ASXL3: variants seen among roughly 807,000 people sequenced by gnomAD.
The protein encoded by ASXL3 is putative Polycomb group protein ASXL3.
ASXL3 carries 34 observed loss-of-function variants against 170.6 expected under a neutral mutation model. The observed-to-expected ratio is 0.20, with a 90% CI of 0.15 to 0.27. The LOEUF is 0.27. Among genes scored for constraint, ASXL3 ranks in the 10% least tolerant of loss-of-function variants. ASXL3 has a pLI of 1.00. For synonymous variants in ASXL3, 1,002 were observed against 989.1 expected (o/e 1.01, Z -0.24); for missense variants, 2,592 against 2,695.3 (o/e 0.96, Z 0.85).
chr18:33,738,237 C>T lies in ASXL3; in HGVS notation c.1083-250C>T, dbSNP rs115986701. Reference sequence around the variant, plus strand: ...ATTCCTTTACTAACACTTGGTAAGGCTCCTATCTCCTTGCTTTACAAAATA... The same window carrying T: ...ATTCCTTTACTAACACTTGGTAAGGTTCCTATCTCCTTGCTTTACAAAATA... On this transcript the variant is annotated intron_variant, in intron 10 of 11. Coordinates refer to ENST00000269197, the MANE Select transcript of ASXL3 (RefSeq NM_030632.3). Among the ~76,000 whole-genome samples the T allele has an allele frequency of 6.7e-3, 1,016 of 152,154 alleles. 4 individuals are homozygous for T. The highest frequency in any genetic ancestry group is 0.023 in the African/African-American group (975 of 41,524).
chr18:33,604,666 C>T (rs980875365), intron 1 of ASXL3, among the ~76,000 whole-genome samples: 4 of 151,942 alleles, frequency 2.6e-5, no homozygotes, highest in African/African-American at 7.2e-5. Context: ...CCAGAAGTGC[C>T]GTTAGCCATT....
At chr18:33,738,187 ATAC>A (rs2067580631) in intron 10 of ASXL3, among the ~76,000 whole-genome samples, 1 of 152,062 alleles carries the variant, frequency 6.6e-6, no homozygotes, top group Non-Finnish European at 1.5e-5. Context: ...ATATTTTCTA[ATAC>A]TTTGTTGTAT....
intron 7 of ASXL3, among the ~76,000 whole-genome samples, chr18:33,676,038 C>A (rs2066421892): frequency 1.3e-5 from 2 of 151,578 alleles, no homozygotes; most frequent in South Asian, 2.1e-4. Flanking sequence ...TCCTGGCTAA[C>A]ACAGTGAAAC....
intron 8 of ASXL3, among the ~76,000 whole-genome samples, chr18:33,705,135 G>A (rs563940790): frequency 6.6e-6 from 1 of 151,762 alleles, no homozygotes; most frequent in South Asian, 2.1e-4. Context: ...TCAATATACA[G>A]TTGATTCTTA....
At chr18:33,659,326 A>G (rs1249212790) in intron 4 of ASXL3, among the ~76,000 whole-genome samples, 1 of 152,104 alleles carries the variant, frequency 6.6e-6, no homozygotes, top group Non-Finnish European at 1.5e-5. Context: ...AAGCATTCTC[A>G]TATTTTCCCT....
chr18:33,616,403 T>TGC (rs1231478769), intron 2 of ASXL3, among the ~76,000 whole-genome samples: 3 of 100,218 alleles, frequency 3.0e-5, no homozygotes, highest in Non-Finnish European at 5.9e-5. Flanking sequence ...TGTGCCTGTG[T>TGC]GTGTGTGTGT....
At chr18:33,589,764 A>G (rs895367593) in intron 1 of ASXL3, among the ~76,000 whole-genome samples, 2 of 152,170 alleles carry the variant, frequency 1.3e-5, no homozygotes, top group African/African-American at 2.4e-5. Context: ...AATTATTACT[A>G]AAGGACAGTA....
chr18:33,632,163 A>G (rs967276650), intron 2 of ASXL3, among the ~76,000 whole-genome samples: 1 of 152,124 alleles, frequency 6.6e-6, no homozygotes, highest in African/African-American at 2.4e-5. Flanking sequence ...TCTACCTATG[A>G]GTAGAGAGAT....
chr18:33,647,020 C>T (rs905747030), intron 4 of ASXL3, among the ~76,000 whole-genome samples: 5 of 152,008 alleles, frequency 3.3e-5, no homozygotes, highest in Admixed American at 2.0e-4. Flanking sequence ...ACAATAGCTG[C>T]AGTGCTTTCT....
intron 1 of ASXL3, among the ~76,000 whole-genome samples, chr18:33,582,473 C>T (rs1334073833): frequency 1.3e-5 from 2 of 152,078 alleles, no homozygotes; most frequent in East Asian, 3.9e-4. Flanking sequence ...ATATCTTCAT[C>T]ACTTTGTTCT....
rs575026750 is a variant in ASXL3 at position 33,748,647 on chromosome 18, TTGTC to T, written c.*2055_*2058del. 10 of 152,364 alleles carry T rather than the reference TTGTC, an allele frequency of 6.6e-5. No homozygotes were observed. In the East Asian group the frequency reaches 1.7e-3, roughly 26 times the overall value. 9.4% of individuals were successfully genotyped at this position (152,364 alleles called of 1,614,324 possible). On this transcript the variant is annotated 3_prime_UTR_variant, in exon 12 of 12. Coordinates refer to ENST00000269197, the MANE Select transcript of ASXL3 (RefSeq NM_030632.3). ...GGTGGCATCCTTATCAGTGGTGTCTTTGTCTGCCTGGCTCTGATATCATCCTGAT... is the reference window on the plus strand; with the variant it reads ...GGTGGCATCCTTATCAGTGGTGTCTTTGCCTGGCTCTGATATCATCCTGAT...
At chr18:33,662,158 A>C (rs2066184319) in intron 5 of ASXL3, among the ~76,000 whole-genome samples, 1 of 152,172 alleles carries the variant, frequency 6.6e-6, no homozygotes, top group Admixed American at 6.5e-5. Context: ...AATAAGAAAA[A>C]TAGTGTTGCT....
intron 1 of ASXL3, among the ~76,000 whole-genome samples, chr18:33,584,305 G>C (rs560766236): frequency 6.6e-6 from 1 of 151,838 alleles, no homozygotes; most frequent in East Asian, 1.9e-4. Flanking sequence ...ATGTAATTGC[G>C]ATCAGATTGG....
intron 5 of ASXL3, among the ~76,000 whole-genome samples, chr18:33,669,493 T>G (rs2066307590): frequency 6.6e-6 from 1 of 152,230 alleles, no homozygotes; most frequent in Admixed American, 6.5e-5. Flanking sequence ...ATAAGTTGTC[T>G]GCATAATTTA....
chr18:33,633,697 T>C (rs1398681611), intron 2 of ASXL3, among the ~76,000 whole-genome samples: 2 of 151,860 alleles, frequency 1.3e-5, no homozygotes, highest in East Asian at 1.9e-4. Flanking sequence ...AAAAAAAAAT[T>C]AGCTGAGCGT....
chr18:33,584,920 ACTT>A (rs1473300305), intron 1 of ASXL3, among the ~76,000 whole-genome samples: 23 of 151,742 alleles, frequency 1.5e-4, no homozygotes, highest in African/African-American at 5.1e-4. Flanking sequence ...GTGTGTGTAT[ACTT>A]TTTTTTTTCT....
intron 8 of ASXL3, among the ~76,000 whole-genome samples, chr18:33,723,030 C>T (rs2067288974): frequency 6.6e-6 from 1 of 152,138 alleles, no homozygotes; most frequent in Non-Finnish European, 1.5e-5. Context: ...GCTGTTGAGA[C>T]TTACTGCTCA....
At chr18:33,634,021 G>A (rs1416922876) in intron 2 of ASXL3, among the ~76,000 whole-genome samples, 1 of 152,008 alleles carries the variant, frequency 6.6e-6, no homozygotes, top group African/African-American at 2.4e-5. Flanking sequence ...AATACAAAAA[G>A]ATCGGGAAGA....
chr18:33,652,095 G>C (rs575507951), intron 4 of ASXL3, among the ~76,000 whole-genome samples: 17 of 151,984 alleles, frequency 1.1e-4, no homozygotes, highest in Non-Finnish European at 1.9e-4. Flanking sequence ...TGATATATCC[G>C]TGTTGACAAC....
Sources: gnomAD v4.1 joint callset for allele counts (sites outside exome capture counted in the v4.1 genomes callset) on GRCh38, gnomAD v4.1.1 for gene constraint, MANE v1.5 for transcripts, NCBI Gene and HGNC (gene_info 2026-07-23, HGNC 2026-07-21) for gene names.